CAMTA1: variants seen among roughly 807,000 people sequenced by gnomAD.
CAMTA1 encodes the protein calmodulin binding transcription activator 1.
A neutral mutation model predicts 170.9 loss-of-function variants in CAMTA1; 27 were observed. That is an observed-to-expected ratio of 0.16 (90% CI 0.12 to 0.22). The LOEUF (loss-of-function observed/expected upper bound fraction) is 0.22, where lower values mean the gene tolerates loss of function less well. Among genes scored for constraint, CAMTA1 ranks in the 10% least tolerant of loss-of-function variants. The probability of loss-of-function intolerance (pLI) is 1.00; values close to 1 mark genes in which losing one functional copy is unlikely to be tolerated. For missense variants in CAMTA1, 1,619 were observed against 2,217.2 expected (o/e 0.73, Z 5.42); for synonymous variants, 833 against 891.5 (o/e 0.93, Z 1.17).
chr1:6,865,350 TG>T (rs1331029468), intron 3 of CAMTA1, among the ~76,000 whole-genome samples: 1 of 152,124 alleles, frequency 6.6e-6, no homozygotes, highest in Non-Finnish European at 1.5e-5. Context: ...ACTGGGAACC[TG>T]GGTCTGCCAG....
At chr1:7,546,562 C>T (rs1490957004) in intron 6 of CAMTA1, among the ~76,000 whole-genome samples, 1 of 152,140 alleles carries the variant, frequency 6.6e-6, no homozygotes, top group Non-Finnish European at 1.5e-5. Flanking sequence ...ACTTCTAGAT[C>T]TTTGAAGAAT....
Position 7,681,294 on chromosome 1 carries a change from T to C in CAMTA1, c.2914+3561T>C, listed in dbSNP as rs1263315056. ...ACGTGAATGAGTGCAGGAGGGACTGTCAAAAAGCTGAATCCAACTAGTGGT... is the reference window on the plus strand; with the variant it reads ...ACGTGAATGAGTGCAGGAGGGACTGCCAAAAAGCTGAATCCAACTAGTGGT... On this transcript the variant is annotated intron_variant, in intron 11 of 22. Coordinates refer to ENST00000303635, the MANE Select transcript of CAMTA1 (RefSeq NM_015215.4). The surrounding 1 kb of genome is among the most constrained non-coding windows in gnomAD (Gnocchi z 4.6). 1.3e-5 allele frequency among the ~76,000 whole-genome samples: 2 copies of C among 152,112 alleles called. No homozygotes were observed. Among genetic ancestry groups the C allele is most frequent in the Non-Finnish European group, 2.9e-5 (2 of 68,012 alleles).
rs544975323 is a variant in CAMTA1, at chr1:7,724,417, T to C, written c.2915-8031T>C. ...GGAACTCTACGATCTTTGCAACTTA[T>C]CTGTAAATCTAAAATTACTCGAAAA... On this transcript the variant is annotated intron_variant, in intron 11 of 22. Coordinates refer to ENST00000303635, the MANE Select transcript of CAMTA1 (RefSeq NM_015215.4). Among the ~76,000 whole-genome samples the C allele has an allele frequency of 3.3e-3, 509 of 152,370 alleles. 1 individual carries two copies. Among genetic ancestry groups the C allele is most frequent in the Non-Finnish European group, 5.8e-3 (398 of 68,038 alleles).
chr1:7,522,547 C>T (rs1222636505), intron 6 of CAMTA1, among the ~76,000 whole-genome samples: 1 of 152,130 alleles, frequency 6.6e-6, no homozygotes, highest in Non-Finnish European at 1.5e-5. Flanking sequence ...GCTTTTAGGA[C>T]TAAGTTGCCC....
intron 5 of CAMTA1, among the ~76,000 whole-genome samples, chr1:7,365,764 G>C (rs776283272): frequency 4.6e-5 from 7 of 152,220 alleles, no homozygotes; most frequent in African/African-American, 7.2e-5. Flanking sequence ...ACTGATTCTG[G>C]GATCTTGGGG....
intron 5 of CAMTA1, among the ~76,000 whole-genome samples, chr1:7,444,453 G>A (rs2092629266): frequency 6.6e-6 from 1 of 152,216 alleles, no homozygotes; most frequent in African/African-American, 2.4e-5. Context: ...GCAGTACGTG[G>A]CCATAGTGCA....
chr1:7,013,439 C>A (rs1023476675), intron 3 of CAMTA1, among the ~76,000 whole-genome samples: 3 of 152,056 alleles, frequency 2.0e-5, no homozygotes, highest in Admixed American at 1.3e-4. Flanking sequence ...TCTTGAACTC[C>A]TGGTCTCAAG....
At chr1:6,954,311 T>C (rs955919635) in intron 3 of CAMTA1, among the ~76,000 whole-genome samples, 10 of 152,162 alleles carry the variant, frequency 6.6e-5, no homozygotes, top group Non-Finnish European at 1.5e-4. Flanking sequence ...TCCCCAGCTG[T>C]TGTGGGGTTG....
chr1:7,259,246 G>A (rs1667838790), intron 5 of CAMTA1, among the ~76,000 whole-genome samples: 1 of 152,162 alleles, frequency 6.6e-6, no homozygotes, highest in South Asian at 2.1e-4. Flanking sequence ...GCTTCATGAG[G>A]TTTTTCTCCT....
At chr1:6,949,407 G>A (rs1045162634) in intron 3 of CAMTA1, among the ~76,000 whole-genome samples, 10 of 152,352 alleles carry the variant, frequency 6.6e-5, no homozygotes, top group South Asian at 2.1e-4. Flanking sequence ...TATAGACCCC[G>A]TGAATCATGC....
chr1:6,809,186 C>T (rs1644884435), intron 1 of CAMTA1, among the ~76,000 whole-genome samples: 1 of 152,020 alleles, frequency 6.6e-6, no homozygotes, highest in African/African-American at 2.4e-5. Flanking sequence ...ACCACCATGC[C>T]TGGCTAATTT....
intron 5 of CAMTA1, among the ~76,000 whole-genome samples, chr1:7,265,808 G>C (rs900034230): frequency 1.3e-5 from 2 of 152,124 alleles, no homozygotes; most frequent in Non-Finnish European, 2.9e-5. Context: ...TAACAGAGAG[G>C]CTGGAGACCT....
chr1:7,517,135 T>G (rs2094297734), intron 6 of CAMTA1, among the ~76,000 whole-genome samples: 1 of 152,216 alleles, frequency 6.6e-6, no homozygotes, highest in Non-Finnish European at 1.5e-5. Context: ...GCATAATCCT[T>G]TCTCGTGGCC....
intron 5 of CAMTA1, among the ~76,000 whole-genome samples, chr1:7,364,906 C>T (rs139392528): frequency 2.6e-5 from 4 of 152,372 alleles, no homozygotes; most frequent in East Asian, 1.9e-4. Context: ...AATGAGCCAC[C>T]TGTCAAACTG....
chr1:7,141,181 A>G (rs897032099), intron 4 of CAMTA1, among the ~76,000 whole-genome samples: 1 of 152,132 alleles, frequency 6.6e-6, no homozygotes, highest in Admixed American at 6.6e-5. Context: ...TCTTGCAGCC[A>G]GTTCCAGAAA....
intron 17 of CAMTA1, 103 bp downstream of exon 17, chr1:7,745,125 A>C: frequency 8.9e-7 from 1 of 1,124,770 alleles, no homozygotes; most frequent in Non-Finnish European, 1.3e-6. Context: ...ATAGAAGACC[A>C]TACCAAGGAA....
At chr1:7,347,325 A>C (rs2084298184) in intron 5 of CAMTA1, among the ~76,000 whole-genome samples, 1 of 152,120 alleles carries the variant, frequency 6.6e-6, no homozygotes, top group African/African-American at 2.4e-5. Context: ...CCGGAGAGGG[A>C]GTGGCCCAAG....
chr1:6,833,563 C>T (rs183191954), intron 3 of CAMTA1, among the ~76,000 whole-genome samples: 48 of 152,280 alleles, frequency 3.2e-4, no homozygotes, highest in Admixed American at 2.2e-3. Flanking sequence ...ATTTGGCATG[C>T]GGTACTATCT....
Position 7,674,591 on chromosome 1 carries a change from C to T in CAMTA1, c.2780-3008C>T, listed in dbSNP as rs544469519. On this transcript the variant is annotated intron_variant, in intron 10 of 22. Transcript: ENST00000303635. This position sits in a 1 kb window ranked among gnomAD's most constrained non-coding sequence, Gnocchi z 4.1. ...GTCAGGAGTTCGAGACCAGCCTGACCGACATGGTGAAACCCCGTCTCTACT... is the reference window on the plus strand; with the variant it reads ...GTCAGGAGTTCGAGACCAGCCTGACTGACATGGTGAAACCCCGTCTCTACT... Among the ~76,000 whole-genome samples, 11 of 152,166 alleles carry T rather than the reference C, an allele frequency of 7.2e-5. No individual in the cohort carries two copies. In the East Asian group the frequency reaches 1.9e-3, roughly 27 times the overall value.
Sources: gnomAD v4.1 joint callset for allele counts (sites outside exome capture counted in the v4.1 genomes callset) on GRCh38, gnomAD v4.1.1 for gene constraint, Gnocchi (gnomAD v3.1) non-coding constraint, MANE v1.5 for transcripts, NCBI Gene and HGNC (gene_info 2026-07-23, HGNC 2026-07-21) for gene names.